Variants in CCDC30 observed in about 807,000 individuals in gnomAD.
CCDC30 encodes coiled-coil domain containing 30, also known as coiled-coil domain-containing protein 30.
Under a neutral mutation model 100.2 loss-of-function variants are expected in CCDC30, and 70 were observed. That is an observed-to-expected ratio of 0.70 (90% CI 0.58 to 0.85). The LOEUF (loss-of-function observed/expected upper bound fraction) is 0.85. Ranked by LOEUF, CCDC30 falls within the 40% of genes least tolerant of loss-of-function variation. The pLI, the probability that CCDC30 is intolerant of heterozygous loss-of-function variation, is 0.00. For synonymous variants in CCDC30, 233 were observed against 269.5 expected (o/e 0.86, Z 1.33); for missense variants, 652 against 771.2 (o/e 0.85, Z 1.83).
chr1:42,586,225 G>C (rs1156673394), intron 9 of CCDC30, among the ~76,000 whole-genome samples: 2 of 152,232 alleles, frequency 1.3e-5, no homozygotes, highest in African/African-American at 4.8e-5. Flanking sequence ...GAAAGAAAAT[G>C]AGGTTAGGGA....
At chr1:42,644,831 G>C in intron 14 of CCDC30, 24 bp downstream of exon 18, 3 of 1,458,188 alleles carry the variant, frequency 2.1e-6, no homozygotes, top group Non-Finnish European at 2.9e-6. Flanking sequence ...TTCCTATTGG[G>C]CCTGCCTTTA....
chr1:42,551,380 T>C (rs1645248777), intron 6 of CCDC30, among the ~76,000 whole-genome samples: 1 of 152,160 alleles, frequency 6.6e-6, no homozygotes, highest in South Asian at 2.1e-4. Context: ...TATTGCATGA[T>C]GTAAAAAAGC....
At chr1:42,490,915 A>G (rs986736948) in intron 4 of CCDC30, among the ~76,000 whole-genome samples, 2 of 152,222 alleles carry the variant, frequency 1.3e-5, no homozygotes, top group South Asian at 2.1e-4. Flanking sequence ...TACTTTATAC[A>G]TATTTGTTCA....
At chr1:42,475,349 G>T (rs1209850853) in intron 1 of CCDC30, among the ~76,000 whole-genome samples, 4 of 152,080 alleles carry the variant, frequency 2.6e-5, no homozygotes, top group Admixed American at 2.6e-4. Flanking sequence ...GTAAGAAAAT[G>T]TGTTTTTTTT....
chr1:42,542,406 C>A (rs1000795259), intron 6 of CCDC30, among the ~76,000 whole-genome samples: 1 of 152,062 alleles, frequency 6.6e-6, no homozygotes, highest in Non-Finnish European at 1.5e-5. Flanking sequence ...CTCTCTATCA[C>A]CCAGATTGGA....
At position 42,490,157 on chromosome 1, in the gene CCDC30, G is replaced by T; in HGVS notation, c.170-1G>T. ...TACAAATATTTTATTTCTTTTTTTA[G>T]ATTCTGCACTTAAGAAGGCTCAACT... On this transcript the variant is annotated splice_acceptor_variant, in intron 3 of 16. Transcript: ENST00000668663. LOFTEE classifies it high-confidence loss of function. The T allele has an allele frequency of 8.7e-7, 1 of 1,143,034 alleles. No homozygotes were observed. The highest frequency in any genetic ancestry group is 4.4e-5 in the South Asian group (1 of 22,502). The allele number at this position is 1,143,034 out of a possible 1,614,324, so 70.8% of individuals were successfully genotyped here. A position where few individuals can be genotyped will look rare whatever the true frequency, so the allele number is the denominator to read the frequency against.
chr1:42,626,434 C>T (rs1646935219), intron 11 of CCDC30, among the ~76,000 whole-genome samples: 1 of 152,092 alleles, frequency 6.6e-6, no homozygotes, highest in Non-Finnish European at 1.5e-5. Context: ...TCTTCTCTTC[C>T]TTCTTCCTTT....
chr1:42,551,318 G>A (rs1645247583), intron 6 of CCDC30, among the ~76,000 whole-genome samples: 2 of 152,190 alleles, frequency 1.3e-5, no homozygotes, highest in Non-Finnish European at 2.9e-5. Context: ...ATAGGACAGG[G>A]TTGCTGCCTA....
At chr1:42,589,198 A>G (rs1246407712) in intron 9 of CCDC30, 123 bp from the exon 14 acceptor site, 3 of 646,098 alleles carry the variant, frequency 4.6e-6, no homozygotes, top group Non-Finnish European at 7.7e-6. Context: ...TTTAGCTTAT[A>G]GACACATACC....
At chr1:42,460,464 A>C, upstream of CCDC30, 1 of 795,390 alleles carries the variant, frequency 1.3e-6, no homozygotes, top group Non-Finnish European at 1.5e-6. Context: ...GGAAAGAAGG[A>C]TACCTCCCTG....
chr1:42,498,688 T>C (rs1238199780), intron 5 of CCDC30, 130 bp from the exon 6 acceptor site: 5 of 418,276 alleles, frequency 1.2e-5, no homozygotes, highest in Non-Finnish European at 2.0e-5. Context: ...TTTTTTATTC[T>C]GTATACCTAT....
At position 42,610,857 on chromosome 1, in the gene CCDC30, G is replaced by T. The variant is rs1646605793; in HGVS notation, c.1165-121G>T. The T allele has an allele frequency of 7.3e-6, 4 of 544,926 alleles. No homozygotes were observed. In the South Asian group the frequency reaches 1.1e-4, roughly 15 times the overall value. 33.8% of individuals were successfully genotyped at this position (544,926 alleles called of 1,614,324 possible). The stretch of plus-strand genomic sequence containing the variant: ...TACAGGAATCCCGTGAAGCTACTAT[G>T]ATCTCAGAAGCAGGAGTGACTATAA... On this transcript the variant is annotated intron_variant, in intron 10 of 16. Transcript: ENST00000668663.
rs2147313 is a variant in CCDC30, at chr1:42,642,021, C to G, written c.1420-452C>G. Among the ~76,000 whole-genome samples the G allele has an allele frequency of 4.5e-3, 686 of 151,864 alleles. 4 individuals are homozygous for G. The highest frequency in any genetic ancestry group is 0.014 in the African/African-American group (595 of 41,430). On this transcript the variant is annotated intron_variant, in intron 12 of 16. Coordinates refer to ENST00000668663, the Ensembl canonical transcript of CCDC30. ...TGGGCGGATCACAAGGTCAGGAGAT[C>G]GAGACCATCCTGGCTAACACGGTGA...
chr1:42,521,004 C>T (rs1327215266), intron 6 of CCDC30, among the ~76,000 whole-genome samples: 7 of 141,262 alleles, frequency 5.0e-5, no homozygotes, highest in African/African-American at 1.6e-4. Context: ...GACGGAGTCT[C>T]GCTCTTTTGC....
intron 11 of CCDC30, among the ~76,000 whole-genome samples, chr1:42,620,509 C>T (rs1191264034): frequency 1.3e-5 from 2 of 151,872 alleles, no homozygotes; most frequent in African/African-American, 4.8e-5. Flanking sequence ...TACCTACAGA[C>T]CTCGCTGGCT....
chr1:42,536,536 G>A (rs762743856), intron 6 of CCDC30: 4 of 1,613,552 alleles, frequency 2.5e-6, no homozygotes, highest in Non-Finnish European at 3.4e-6. Flanking sequence ...AAAAGAGAGA[G>A]AGAGAGAGAA....
intron 6 of CCDC30, among the ~76,000 whole-genome samples, chr1:42,516,039 A>G (rs945273756): frequency 6.6e-6 from 1 of 152,204 alleles, no homozygotes; most frequent in African/African-American, 2.4e-5. Flanking sequence ...CCTGCTTTAA[A>G]TTCTTTGGGG....
At chr1:42,538,357 A>C (rs1343495214) in intron 6 of CCDC30, among the ~76,000 whole-genome samples, 1 of 151,866 alleles carries the variant, frequency 6.6e-6, no homozygotes, top group East Asian at 1.9e-4. Flanking sequence ...GAGAAAGAGA[A>C]AAAAACATCA....
In CCDC30 at chr1:42,487,480, C is replaced by T. The variant is rs148770265; in HGVS notation, c.170-2678C>T. 2.3e-3 allele frequency among the ~76,000 whole-genome samples: 346 copies of T among 152,122 alleles called. 2 individuals carry two copies. The highest frequency in any genetic ancestry group is 8.0e-3 in the African/African-American group (332 of 41,482). On this transcript the variant is annotated intron_variant, in intron 3 of 16. Coordinates refer to ENST00000668663, the Ensembl canonical transcript of CCDC30. The stretch of plus-strand genomic sequence containing the variant: ...TGCTGCTGTGAAGAGATTTTGTAAG[C>T]GTAGTTACGGTCCCAAACCAACTGA...
Sources: gnomAD v4.1 joint callset for allele counts (sites outside exome capture counted in the v4.1 genomes callset) on GRCh38, gnomAD v4.1.1 for gene constraint, MANE v1.5 for transcripts, NCBI Gene and HGNC (gene_info 2026-07-23, HGNC 2026-07-21) for gene names.